The following SNTG2 variants were observed in gnomAD, a reference collection of about 807,000 sequenced individuals.
SNTG2 encodes the protein syntrophin gamma 2.
Under a neutral mutation model 70.9 loss-of-function variants are expected in SNTG2, and 74 were observed. That is an observed-to-expected ratio of 1.04 (90% CI 0.86 to 1.27). The LOEUF (loss-of-function observed/expected upper bound fraction) is 1.27. Among genes scored for constraint, SNTG2 ranks in the 50% most tolerant of loss-of-function variants. SNTG2 has a pLI of 0.00. For synonymous variants in SNTG2, 278 were observed against 273.8 expected (o/e 1.02, Z -0.15); for missense variants, 717 against 690.7 (o/e 1.04, Z -0.43).
chr2:1,006,200 T>C (rs1179177891), intron 1 of SNTG2, among the ~76,000 whole-genome samples: 2 of 148,202 alleles, frequency 1.3e-5, no homozygotes, highest in Non-Finnish European at 3.0e-5. Context: ...TTGGGAGATA[T>C]ACCTAATGCT....
At chr2:1,289,906 G>A (rs937053974) in intron 14 of SNTG2, among the ~76,000 whole-genome samples, 18 of 152,170 alleles carry the variant, frequency 1.2e-4, no homozygotes, top group African/African-American at 4.3e-4. Flanking sequence ...GTTTGTGCCT[G>A]ACTTATTTAA....
intron 4 of SNTG2, among the ~76,000 whole-genome samples, chr2:1,115,510 TGAG>T (rs1477422766): frequency 3.3e-5 from 5 of 152,176 alleles, no homozygotes; most frequent in Non-Finnish European, 5.9e-5. Context: ...TACAGTCCTT[TGAG>T]GAGGATCATG....
Position 1,252,005 on chromosome 2 carries a change from T to A in SNTG2, c.1005+4562T>A, listed in dbSNP as rs188807873. On this transcript the variant is annotated intron_variant, in intron 12 of 16. Transcript: ENST00000308624. ...TTTAAAGATTTCCAAAGGGAGGTTT[T>A]TGAGTAGAGTTAGATCCACCAGGCT... is the stretch of plus-strand genomic sequence containing the variant. Among the ~76,000 whole-genome samples the A allele has an allele frequency of 1.6e-4, 25 of 152,304 alleles. No individual in the cohort carries two copies. In the East Asian group the frequency reaches 4.8e-3, roughly 29 times the overall value.
chr2:1,280,222 A>G (rs1161950871), intron 14 of SNTG2, among the ~76,000 whole-genome samples: 10 of 152,194 alleles, frequency 6.6e-5, no homozygotes. Flanking sequence ...CAGGTGAAAT[A>G]TTGAATAACA....
chr2:1,066,803 G>A (rs990526220), intron 1 of SNTG2, among the ~76,000 whole-genome samples: 56 of 152,058 alleles, frequency 3.7e-4, no homozygotes, highest in African/African-American at 1.3e-3. Context: ...CTGAATGACC[G>A]TAGAACGGTC....
At chr2:1,322,246 G>A (rs1487892683) in intron 16 of SNTG2, among the ~76,000 whole-genome samples, 1 of 152,286 alleles carries the variant, frequency 6.6e-6, no homozygotes, top group East Asian at 1.9e-4. Context: ...AAAGCATTCA[G>A]TCACAAAACT....
chr2:1,141,086 G>T (rs1668717698), intron 6 of SNTG2, among the ~76,000 whole-genome samples: 2 of 152,184 alleles, frequency 1.3e-5, no homozygotes, highest in African/African-American at 4.8e-5. Flanking sequence ...ATTTTGAACA[G>T]CAGGTCAGGG....
chr2:1,285,148 G>T (rs1446521876), intron 14 of SNTG2, among the ~76,000 whole-genome samples: 2 of 152,086 alleles, frequency 1.3e-5, no homozygotes, highest in Admixed American at 1.3e-4. Flanking sequence ...AGGCTGGGAG[G>T]CTAGGCCAAT....
intron 1 of SNTG2, among the ~76,000 whole-genome samples, chr2:971,131 A>G (rs1427297317): frequency 6.6e-6 from 1 of 152,162 alleles, no homozygotes; most frequent in East Asian, 1.9e-4. Flanking sequence ...GTCTGTTGGT[A>G]TTGGAATGAT....
At chr2:1,367,248 T>C (rs961031975) in intron 16 of SNTG2, 95 bp from the exon 17 acceptor site, 4 of 1,228,118 alleles carry the variant, frequency 3.3e-6, no homozygotes, top group East Asian at 5.3e-5. Context: ...GGAGGGACTT[T>C]CTTGGAGTTC....
chr2:987,726 G>A (rs766197113), intron 1 of SNTG2, among the ~76,000 whole-genome samples: 1 of 152,148 alleles, frequency 6.6e-6, no homozygotes, highest in Non-Finnish European at 1.5e-5. Context: ...AGGAAACCAA[G>A]GGGAGGCTGG....
chr2:1,034,120 T>C (rs1187629699), intron 1 of SNTG2, among the ~76,000 whole-genome samples: 3 of 152,024 alleles, frequency 2.0e-5, no homozygotes, highest in African/African-American at 7.2e-5. Context: ...TTTTTTCTGA[T>C]CTTCTCCCTC....
intron 1 of SNTG2, among the ~76,000 whole-genome samples, chr2:984,095 T>A (rs1661222542): frequency 6.6e-6 from 1 of 152,140 alleles, no homozygotes; most frequent in East Asian, 1.9e-4. Context: ...TGGCAGGAGC[T>A]CTGTGAGCCA....
intron 14 of SNTG2, among the ~76,000 whole-genome samples, chr2:1,305,960 T>C (rs1680650769): frequency 6.6e-6 from 1 of 152,242 alleles, no homozygotes; most frequent in African/African-American, 2.4e-5. Context: ...CTACTTAGTC[T>C]ACATAAAATG....
intron 1 of SNTG2, among the ~76,000 whole-genome samples, chr2:1,005,869 A>G (rs1410970156): frequency 7.6e-5 from 2 of 26,188 alleles, no homozygotes; most frequent in East Asian, 5.5e-4. Context: ...ATATATATAT[A>G]TATATAAACG....
intron 1 of SNTG2, among the ~76,000 whole-genome samples, chr2:955,946 C>T (rs918823156): frequency 1.3e-5 from 2 of 151,926 alleles, no homozygotes; most frequent in African/African-American, 4.8e-5. Context: ...GGCCCTGCCT[C>T]AGAGCCTTCC....
chr2:1,194,741 A>G (rs1358254302), intron 8 of SNTG2, among the ~76,000 whole-genome samples: 1 of 152,080 alleles, frequency 6.6e-6, no homozygotes, highest in South Asian at 2.1e-4. Context: ...TTATTTATTT[A>G]TTATACTTTA....
At chr2:1,340,543 A>G (rs1366987396) in intron 16 of SNTG2, among the ~76,000 whole-genome samples, 1 of 152,222 alleles carries the variant, frequency 6.6e-6, no homozygotes, top group East Asian at 1.9e-4. Context: ...AAAAGATATG[A>G]TCACCTCTAT....
intron 14 of SNTG2, among the ~76,000 whole-genome samples, chr2:1,294,963 A>T (rs1680139978): frequency 6.6e-6 from 1 of 152,116 alleles, no homozygotes; most frequent in African/African-American, 2.4e-5. Context: ...TCGTCTTCTG[A>T]CCTGGCTCCC....
Sources: allele counts gnomAD v4.1 joint callset (sites outside exome capture counted in the v4.1 genomes callset), GRCh38; gene constraint gnomAD v4.1.1; transcripts MANE v1.5; gene names NCBI Gene and HGNC (gene_info 2026-07-23, HGNC 2026-07-21).